The following ARHGAP26 variants were observed in gnomAD, a reference collection of about 807,000 sequenced individuals.
The protein encoded by ARHGAP26 is rho GTPase-activating protein 26.
A neutral mutation model predicts 104.8 loss-of-function variants in ARHGAP26; 38 were observed. That is an observed-to-expected ratio of 0.36 (90% CI 0.28 to 0.48). The LOEUF (loss-of-function observed/expected upper bound fraction) is 0.48. Ranked by LOEUF, ARHGAP26 falls within the 20% of genes least tolerant of loss-of-function variation. ARHGAP26 has a pLI of 0.99. For missense variants in ARHGAP26, 704 were observed against 947.9 expected, an observed-to-expected ratio of 0.74 and a Z score of 3.38; for synonymous variants, 341 against 340.0, an observed-to-expected ratio of 1.00 and a Z score of -0.03.
intron 11 of ARHGAP26, 22 bp downstream of exon 11, chr5:142,932,147 T>C (rs777641645): frequency 6.2e-7 from 1 of 1,610,630 alleles, no homozygotes; most frequent in Non-Finnish European, 8.5e-7. Context: ...TTCAGGGAAG[T>C]AGAGCAAGAA....
At chr5:143,077,191 C>T (rs901413112) in intron 17 of ARHGAP26, among the ~76,000 whole-genome samples, 4 of 152,106 alleles carry the variant, frequency 2.6e-5, no homozygotes, top group East Asian at 1.9e-4. Flanking sequence ...GGTATGTGGG[C>T]GCCAGTATTT....
intron 20 of ARHGAP26, among the ~76,000 whole-genome samples, chr5:143,180,050 C>G (rs532859438): frequency 1.8e-4 from 27 of 152,206 alleles, no homozygotes; most frequent in Non-Finnish European, 3.1e-4. Context: ...CTCTCTGTCT[C>G]AAAGGAGCCT....
chr5:143,226,954 C>T lies in ARHGAP26; in HGVS notation c.*4508C>T, dbSNP rs1323016905. On this transcript the variant is annotated 3_prime_UTR_variant, in exon 23 of 23. Transcript: ENST00000645722. ...GGCCTTCTATCCCCTGAGTTTCTAT[C>T]AGCTGAAAATGGCAACTGCTGTCTC... The T allele has an allele frequency of 8.8e-6, 2 of 227,534 alleles. No individual in the cohort carries two copies. Among genetic ancestry groups the T allele is most frequent in the African/African-American group, 4.4e-5 (2 of 45,048 alleles). 14.1% of individuals were successfully genotyped at this position (227,534 alleles called of 1,614,324 possible).
chr5:142,830,413 AG>A (rs1189678721), intron 1 of ARHGAP26, among the ~76,000 whole-genome samples: 1 of 152,188 alleles, frequency 6.6e-6, no homozygotes, highest in African/African-American at 2.4e-5. Flanking sequence ...GAGGGTAGGA[AG>A]GGGAAGTGAA....
intron 1 of ARHGAP26, among the ~76,000 whole-genome samples, chr5:142,797,594 G>C (rs1208415084): frequency 6.6e-6 from 1 of 152,166 alleles, no homozygotes; most frequent in East Asian, 1.9e-4. Flanking sequence ...GACTTGGCAA[G>C]ATCAAAGAAC....
chr5:142,984,285 T>A (rs1774360093), intron 11 of ARHGAP26, among the ~76,000 whole-genome samples: 2 of 152,042 alleles, frequency 1.3e-5, no homozygotes, highest in South Asian at 4.2e-4. Context: ...CTAAGAGGAG[T>A]GTGTGTTTTC....
At chr5:142,909,409 T>C (rs1472083025) in intron 9 of ARHGAP26, among the ~76,000 whole-genome samples, 1 of 152,248 alleles carries the variant, frequency 6.6e-6, no homozygotes, top group Non-Finnish European at 1.5e-5. Context: ...GGCTTTGCTC[T>C]CAGTCTGCCT....
chr5:142,915,895 C>T (rs1282293283), intron 10 of ARHGAP26, among the ~76,000 whole-genome samples: 3 of 152,104 alleles, frequency 2.0e-5, no homozygotes, highest in Admixed American at 6.6e-5. Context: ...GAACTCTGCC[C>T]GGAATCCTTT....
intron 1 of ARHGAP26, among the ~76,000 whole-genome samples, chr5:142,843,662 T>A (rs966803495): frequency 6.6e-6 from 1 of 152,238 alleles, no homozygotes; most frequent in African/African-American, 2.4e-5. Flanking sequence ...TTAAAACATT[T>A]CTCAGTATGA....
rs1374924807 is a variant in ARHGAP26 at position 143,121,073 on chromosome 5, G to A, written c.1624G>A (p.Glu542Lys). 2.5e-6 allele frequency: 4 copies of A among 1,613,690 alleles called. No homozygotes were observed. The stretch of plus-strand genomic sequence containing the variant: ...ACCCACTCTGCTGAGGCCTCAGGAA[G>A]AAACAGTAGCAGCCATCATGGACAT... ...FGPTLLRPQE[E>K]TVAAIMDIKF... is the part of the protein sequence containing the mutation. Residue 542 changes from glutamate to lysine, a missense_variant, in exon 18 of 23, where the codon GAA (glutamate) becomes AAA (lysine). Physicochemically the swap from Glu to Lys is moderately conservative, Grantham distance 56 (BLOSUM62 1). Coordinates refer to ENST00000645722, the MANE Select transcript of ARHGAP26 (RefSeq NM_001135608.3).
intron 8 of ARHGAP26, among the ~76,000 whole-genome samples, chr5:142,907,012 AGT>A (rs1381539184): frequency 6.6e-6 from 1 of 152,200 alleles, no homozygotes; most frequent in African/African-American, 2.4e-5. Flanking sequence ...CTAAGCACTG[AGT>A]AAAATCAGAG....
rs537880460 is a variant in ARHGAP26 at position 143,074,072 on chromosome 5, CTT to C, written c.1538+16329_1538+16330del. Among the ~76,000 whole-genome samples the C allele has an allele frequency of 1.4e-4, 22 of 152,230 alleles. No individual in the cohort carries two copies. The South Asian group carries it at 4.6e-3, about 32-fold the overall frequency. ...TAGCAATGTAGAAATGGTGGTAAAACTTTTTATCTTAAAAAGGTTTTTGTGGA... is the reference window on the plus strand; with the variant it reads ...TAGCAATGTAGAAATGGTGGTAAAACTTTATCTTAAAAAGGTTTTTGTGGA... On this transcript the variant is annotated intron_variant, in intron 17 of 22. Coordinates refer to ENST00000645722, the MANE Select transcript of ARHGAP26 (RefSeq NM_001135608.3).
At chr5:143,102,759 G>C (rs1793438854) in intron 17 of ARHGAP26, among the ~76,000 whole-genome samples, 1 of 152,210 alleles carries the variant, frequency 6.6e-6, no homozygotes, top group African/African-American at 2.4e-5. Context: ...TGAAACTTCT[G>C]TTTAAATTAG....
At chr5:143,113,539 C>T (rs550024843) in intron 17 of ARHGAP26, among the ~76,000 whole-genome samples, 1 of 152,282 alleles carries the variant, frequency 6.6e-6, no homozygotes, top group Non-Finnish European at 1.5e-5. Flanking sequence ...CTCTCTCAAT[C>T]TTACAGGGCT....
chr5:143,150,690 G>A (rs1799745555), intron 20 of ARHGAP26, among the ~76,000 whole-genome samples: 1 of 152,188 alleles, frequency 6.6e-6, no homozygotes, highest in Non-Finnish European at 1.5e-5. Flanking sequence ...ATAAAATTCA[G>A]ATTTCATGCT....
chr5:142,822,028 A>G (rs955933713), intron 1 of ARHGAP26, among the ~76,000 whole-genome samples: 1 of 152,234 alleles, frequency 6.6e-6, no homozygotes, highest in African/African-American at 2.4e-5. Flanking sequence ...AACATACTCC[A>G]ATCCCCCATA....
chr5:142,957,743 A>G (rs1401042425), intron 11 of ARHGAP26, among the ~76,000 whole-genome samples: 2 of 152,252 alleles, frequency 1.3e-5, no homozygotes, highest in Non-Finnish European at 2.9e-5. Context: ...GCCATGACCC[A>G]GAGTTCAGCT....
At chr5:143,006,316 C>CTG (rs772059084) in intron 11 of ARHGAP26, among the ~76,000 whole-genome samples, 3,709 of 112,774 alleles carry the variant, frequency 0.033, 93 homozygotes, top group Non-Finnish European at 0.047. Context: ...AGTGTTTTTT[C>CTG]TTTTTTTTTT....
chr5:143,064,465 G>C (rs1189508256), intron 17 of ARHGAP26, among the ~76,000 whole-genome samples: 1 of 150,736 alleles, frequency 6.6e-6, no homozygotes, highest in Non-Finnish European at 1.5e-5. Flanking sequence ...TGAAAGAAGT[G>C]AGTGATACCG....
Sources: gnomAD v4.1 joint callset for allele counts (sites outside exome capture counted in the v4.1 genomes callset) on GRCh38, gnomAD v4.1.1 for gene constraint, MANE v1.5 for transcripts, NCBI Gene and HGNC (gene_info 2026-07-23, HGNC 2026-07-21) for gene names.